VTCN1: variants seen among roughly 807,000 people sequenced by gnomAD.
VTCN1 encodes V-set domain-containing T-cell activation inhibitor 1.
VTCN1 carries 26 observed loss-of-function variants against 26.5 expected under a neutral mutation model. The ratio of observed to expected loss-of-function variants is 0.98; its 90% CI spans 0.72 to 1.36. The LOEUF (loss-of-function observed/expected upper bound fraction) is 1.36. Among genes scored for constraint, VTCN1 ranks in the 40% most tolerant of loss-of-function variants. The probability of loss-of-function intolerance (pLI) is 0.00; values close to 1 mark genes in which losing one functional copy is unlikely to be tolerated. For missense variants in VTCN1, 298 were observed against 337.7 expected (o/e 0.88, Z 0.92); for synonymous variants, 116 against 130.7 (o/e 0.89, Z 0.77).
rs1652659902 is a variant in VTCN1 at position 117,167,107 on chromosome 1, A to G, written c.97+3000T>C. 6.6e-6 allele frequency among the ~76,000 whole-genome samples: 1 copy of G among 152,078 alleles called. No individual in the cohort carries two copies. ...GACTGTCTCAAAAAAAAAAAAAAGA[A>G]TATATATGTATGTAAACATAAAATG... On this transcript the variant is annotated intron_variant, in intron 2 of 5. Transcript: ENST00000369458. This position sits in a 1 kb window ranked among gnomAD's most constrained non-coding sequence, Gnocchi z 4.1.
rs1180451640 is a variant in VTCN1, at chr1:117,146,186, T to G, written c.*46-961A>C. Among the ~76,000 whole-genome samples the G allele has an allele frequency of 6.6e-6, 1 of 152,206 alleles. No homozygotes were observed. On this transcript the variant is annotated intron_variant, in intron 5 of 5. Coordinates refer to ENST00000369458, the MANE Select transcript of VTCN1 (RefSeq NM_024626.4). The surrounding 1 kb of genome is among the most constrained non-coding windows in gnomAD (Gnocchi z 4.2). ...TATTTAGTTGCAGGTTATTAAACAC[T>G]CATTTGCAGTGTTGTGGGGAATCAA...
intron 1 of VTCN1, among the ~76,000 whole-genome samples, chr1:117,185,327 T>A (rs1446715603): frequency 6.6e-6 from 1 of 152,140 alleles, no homozygotes; most frequent in East Asian, 1.9e-4. Context: ...ATCTAGGCAA[T>A]TTTTCTACTA....
intron 1 of VTCN1, chr1:117,173,157 C>T (rs531686526): frequency 7.0e-6 from 5 of 715,580 alleles, no homozygotes; most frequent in South Asian, 3.0e-5. Flanking sequence ...CAACTCCGGA[C>T]GCGCCACCTT....
chr1:117,149,929 A>G (rs1651706328), intron 4 of VTCN1, among the ~76,000 whole-genome samples: 1 of 152,192 alleles, frequency 6.6e-6, no homozygotes, highest in Non-Finnish European at 1.5e-5. Context: ...CACTTCGAAC[A>G]CTTGTTTTGA....
At chr1:117,170,877 T>C (rs1374204856) in intron 1 of VTCN1, among the ~76,000 whole-genome samples, 1 of 152,222 alleles carries the variant, frequency 6.6e-6, no homozygotes, top group Non-Finnish European at 1.5e-5. Flanking sequence ...CTGGGATACA[T>C]GTGCAGAACG....
At position 117,158,416 on chromosome 1, in the gene VTCN1, G is replaced by A. The variant is rs899788024; in HGVS notation, c.98-1495C>T. On this transcript the variant is annotated intron_variant, in intron 2 of 5. Coordinates refer to ENST00000369458, the MANE Select transcript of VTCN1 (RefSeq NM_024626.4). ...GGCTCAACACCACATAGAAGCTGCC[G>A]AGACTTGGGGTTTGCACCCTCTGAA... is the stretch of plus-strand genomic sequence containing the variant. Among the ~76,000 whole-genome samples, 11 of 152,178 alleles carry A rather than the reference G, an allele frequency of 7.2e-5. No homozygotes were observed. The Middle Eastern group carries it at 9.5e-3, about 131-fold the overall frequency.
chr1:117,162,076 C>T (rs1652394364), intron 2 of VTCN1, among the ~76,000 whole-genome samples: 1 of 152,070 alleles, frequency 6.6e-6, no homozygotes, highest in South Asian at 2.1e-4. Flanking sequence ...GCCCTAGGGA[C>T]CTGCTGCAGG....
At chr1:117,182,627 G>A (rs997186059) in intron 1 of VTCN1, among the ~76,000 whole-genome samples, 1 of 152,094 alleles carries the variant, frequency 6.6e-6, no homozygotes, top group Non-Finnish European at 1.5e-5. Context: ...ACCCTTCTGT[G>A]GTCCTGACCA....
intron 1 of VTCN1, among the ~76,000 whole-genome samples, chr1:117,201,112 T>C (rs1364583335): frequency 6.6e-6 from 1 of 152,004 alleles, no homozygotes; most frequent in East Asian, 1.9e-4. Flanking sequence ...GAAAGGAAAA[T>C]AGTAGAAAAA....
At chr1:117,186,894 T>C (rs72699165) in intron 1 of VTCN1, among the ~76,000 whole-genome samples, 14,216 of 151,070 alleles carry the variant, frequency 0.094, 853 homozygotes, top group Non-Finnish European at 0.14. Context: ...GGCCCCAGAA[T>C]TGACCCTGTT....
Position 117,153,316 on chromosome 1 carries a change from G to T in VTCN1, c.499C>A (p.Arg167=). 1 of 1,613,966 alleles carries T rather than the reference G, an allele frequency of 6.2e-7. No individual in the cohort carries two copies. The highest frequency in any genetic ancestry group is 1.1e-5 in the South Asian group (1 of 91,056). ...VDYNASSETL[R]CEAPRWFPQP... is the part of the protein sequence containing the mutation. ...GGGAACCATCGGGGAGCCTCACACC[G>T]CAAGGTCTCTGAGCTGGCATTATAG... The change falls in exon 4 of 6, where the codon CGG becomes AGG. Residue 167 remains arginine (R), a synonymous_variant. Transcript: ENST00000369458.
At position 117,147,541 on chromosome 1, in the gene VTCN1, G is replaced by T. The variant is rs1024506849; in HGVS notation, c.*45+72C>A. Reference sequence around the variant, plus strand: ...TTTCTTTCTGTGGCTGATGCTGAAGGCTATCCGACTCTCATTAGGAGCACA... The same window carrying T: ...TTTCTTTCTGTGGCTGATGCTGAAGTCTATCCGACTCTCATTAGGAGCACA... On this transcript the variant is annotated intron_variant, in intron 5 of 5. Transcript: ENST00000369458. The surrounding 1 kb of genome is among the most constrained non-coding windows in gnomAD (Gnocchi z 4.6). 3.1e-6 allele frequency: 4 copies of T among 1,282,364 alleles called. No homozygotes were observed. The highest frequency in any genetic ancestry group is 4.3e-6 in the Non-Finnish European group (4 of 939,942). 79.4% of individuals were successfully genotyped at this position (1,282,364 alleles called of 1,614,324 possible).
At chr1:117,153,946 C>G (rs576234616) in intron 3 of VTCN1, among the ~76,000 whole-genome samples, 1 of 152,332 alleles carries the variant, frequency 6.6e-6, no homozygotes, top group South Asian at 2.1e-4. Context: ...CAAGGTAATT[C>G]TCCTCGCAGG....
rs1647286033 is a variant in VTCN1 at position 117,175,496 on chromosome 1, TTC to T, written c.33-5327_33-5326del. Among the ~76,000 whole-genome samples the T allele has an allele frequency of 6.6e-6, 1 of 152,196 alleles. No homozygotes were observed. The highest frequency in any genetic ancestry group is 2.1e-4 in the South Asian group (1 of 4,824). On this transcript the variant is annotated intron_variant, in intron 1 of 5. Coordinates refer to ENST00000369458, the MANE Select transcript of VTCN1 (RefSeq NM_024626.4). This position sits in a 1 kb window ranked among gnomAD's most constrained non-coding sequence, Gnocchi z 4.2. Reference sequence around the variant, plus strand: ...GTGTGCAGATGTTCATTCAAAAAAATTCTTTTTCATAAAATAAAAATAGAACT... The same window carrying T: ...GTGTGCAGATGTTCATTCAAAAAAATTTTTTCATAAAATAAAAATAGAACT...
chr1:117,206,429 A>G (rs1649077471), intron 1 of VTCN1, among the ~76,000 whole-genome samples: 1 of 152,182 alleles, frequency 6.6e-6, no homozygotes, highest in South Asian at 2.1e-4. Flanking sequence ...TGTGCCAGGA[A>G]CATAATTATT....
chr1:117,146,839 G>C lies in VTCN1; in HGVS notation c.*45+774C>G, dbSNP rs149659525. Among the ~76,000 whole-genome samples the C allele has an allele frequency of 2.7e-4, 41 of 152,286 alleles. No homozygotes were observed. The highest frequency in any genetic ancestry group is 9.4e-4 in the African/African-American group (39 of 41,560). On this transcript the variant is annotated intron_variant, in intron 5 of 5. Coordinates refer to ENST00000369458, the MANE Select transcript of VTCN1 (RefSeq NM_024626.4). This position sits in a 1 kb window ranked among gnomAD's most constrained non-coding sequence, Gnocchi z 4.2. Reference sequence around the variant, plus strand: ...GATTCTGGCACCGTGTTTCCTATCAGCTAAAACAGGGAAAGGAAGGAGCAG... The same window carrying C: ...GATTCTGGCACCGTGTTTCCTATCACCTAAAACAGGGAAAGGAAGGAGCAG...
intron 1 of VTCN1, among the ~76,000 whole-genome samples, chr1:117,172,246 T>G (rs139771139): frequency 6.6e-6 from 1 of 152,238 alleles, no homozygotes; most frequent in Non-Finnish European, 1.5e-5. Context: ...CAGCCTCCTA[T>G]GGCTCAGGAA....
chr1:117,158,186 C>T (rs1366770963), intron 2 of VTCN1, among the ~76,000 whole-genome samples: 1 of 152,222 alleles, frequency 6.6e-6, no homozygotes, highest in Non-Finnish European at 1.5e-5. Flanking sequence ...TGTTTTCTCA[C>T]AGCTCCACTA....
intron 1 of VTCN1, among the ~76,000 whole-genome samples, chr1:117,185,546 G>A (rs776088525): frequency 3.3e-5 from 5 of 152,018 alleles, no homozygotes; most frequent in African/African-American, 9.7e-5. Context: ...AGTTCAGGCC[G>A]TGATAGGAAG....
Sources: gnomAD v4.1 joint callset for allele counts (sites outside exome capture counted in the v4.1 genomes callset) on GRCh38, gnomAD v4.1.1 for gene constraint, Gnocchi (gnomAD v3.1) non-coding constraint, MANE v1.5 for transcripts, NCBI Gene and HGNC (gene_info 2026-07-23, HGNC 2026-07-21) for gene names.